Variants in ODAD2 observed in about 807,000 individuals in gnomAD.
ODAD2 encodes the protein outer dynein arm docking complex subunit 2.
ODAD2 carries 89 observed loss-of-function variants against 106.8 expected under a neutral mutation model. That is an observed-to-expected ratio of 0.83 (90% CI 0.70 to 0.99). ODAD2 has a LOEUF of 0.99. ODAD2 is among the 50% of genes least tolerant of loss of function. ODAD2 has a pLI of 0.00. For synonymous variants in ODAD2, 404 were observed against 436.2 expected (o/e 0.93, Z 0.92); for missense variants, 1,168 against 1,238.5 (o/e 0.94, Z 0.85).
chr10:27,883,112 G>A (rs1334458921), intron 17 of ODAD2, among the ~76,000 whole-genome samples: 2 of 151,918 alleles, frequency 1.3e-5, no homozygotes, highest in Non-Finnish European at 2.9e-5. Context: ...AAAGATCTCA[G>A]AAGGCCTTAG....
intron 16 of ODAD2, among the ~76,000 whole-genome samples, chr10:27,927,573 C>T (rs531280201): frequency 1.1e-4 from 17 of 152,084 alleles, no homozygotes; most frequent in Non-Finnish European, 2.1e-4. Context: ...ACACGTGGGA[C>T]GCCTATGTTC....
intron 16 of ODAD2, among the ~76,000 whole-genome samples, chr10:27,920,743 T>C (rs1243480591): frequency 1.3e-5 from 2 of 152,190 alleles, no homozygotes; most frequent in African/African-American, 4.8e-5. Context: ...ACTTGTTCTG[T>C]GGCAAAAGAC....
intron 19 of ODAD2, among the ~76,000 whole-genome samples, chr10:27,831,432 C>T (rs963588658): frequency 6.6e-6 from 1 of 152,196 alleles, no homozygotes; most frequent in Non-Finnish European, 1.5e-5. Context: ...ACAGTGAGTG[C>T]TTACCATGTA....
At chr10:27,876,649 G>A (rs920839448) in intron 17 of ODAD2, among the ~76,000 whole-genome samples, 13 of 152,304 alleles carry the variant, frequency 8.5e-5, no homozygotes, top group Admixed American at 5.2e-4. Flanking sequence ...CTGAGATAAC[G>A]TCTCTGAGGA....
At chr10:27,914,314 T>C (rs750880820) in intron 16 of ODAD2, among the ~76,000 whole-genome samples, 7 of 152,156 alleles carry the variant, frequency 4.6e-5, no homozygotes, top group African/African-American at 7.2e-5. Flanking sequence ...ATTTTAAAGA[T>C]GCCATTTTTT....
rs759812116 is a variant in ODAD2 at position 27,907,771 on chromosome 10, A to G, written c.2502T>C (p.Ile834=). 6 of 1,612,122 alleles carry G rather than the reference A, an allele frequency of 3.7e-6. No homozygotes were observed. The highest frequency in any genetic ancestry group is 5.1e-6 in the Non-Finnish European group (6 of 1,178,460). ...CAVEPESMMI[I]DRLDGVRLLW... is the part of the protein sequence containing the mutation. ...ACAAACGAACTCCATCTAAGCGATC[A>G]ATTATCCTATCGTGGAACCCAAAAT... Residue 834 remains isoleucine (I), a synonymous_variant, in exon 17 of 20, where the codon ATT becomes ATC. Coordinates refer to ENST00000305242, the MANE Select transcript of ODAD2 (RefSeq NM_018076.5).
At chr10:27,813,301 G>A (rs1268325868) in intron 19 of ODAD2, 1 of 152,126 alleles carries the variant, frequency 6.6e-6, no homozygotes, top group Non-Finnish European at 1.5e-5. Context: ...AAGCCTCCAA[G>A]ATTTCCATCA....
chr10:27,885,597 T>A, intron 17 of ODAD2, among the ~76,000 whole-genome samples: 1 of 73,330 alleles, frequency 1.4e-5, no homozygotes, highest in Non-Finnish European at 2.4e-5. Context: ...AATATAAATA[T>A]ATATATAAAA....
intron 17 of ODAD2, among the ~76,000 whole-genome samples, chr10:27,885,606 A>ATT (rs1200797448): frequency 1.1e-3 from 82 of 71,792 alleles, no homozygotes; most frequent in African/African-American, 3.9e-3. Context: ...ATATATATAA[A>ATT]ATATATATAA....
At chr10:27,912,172 C>T (rs1224338639) in intron 16 of ODAD2, among the ~76,000 whole-genome samples, 1 of 152,116 alleles carries the variant, frequency 6.6e-6, no homozygotes, top group Admixed American at 6.6e-5. Flanking sequence ...CAGGTCTACC[C>T]CTTATATAGT....
In ODAD2 at chr10:27,860,799, G is replaced by A. The variant is rs1839989333; in HGVS notation, c.2847C>T (p.Cys949=). Residue 949 remains cysteine (C), a synonymous_variant, in exon 19 of 20, where the codon TGC becomes TGT. Transcript: ENST00000305242. ...CCACTCTATTCCTGCCCCACATACA[G>A]CAACGTGAAATAGCTTCTGCTAGAT... is the stretch of plus-strand genomic sequence containing the variant. The part of the protein sequence containing the change: ...RHHLAEAISR[C]CMWGRNRVAF... The A allele has an allele frequency of 1.9e-6, 3 of 1,614,138 alleles. No individual in the cohort carries two copies. Among genetic ancestry groups the A allele is most frequent in the Non-Finnish European group, 2.5e-6 (3 of 1,180,018 alleles).
chr10:27,955,696 GGTGTGTGTGTGTGTGTGT>G (rs56731384), intron 10 of ODAD2, among the ~76,000 whole-genome samples: 3 of 142,928 alleles, frequency 2.1e-5, no homozygotes, highest in Non-Finnish European at 4.5e-5. Context: ...AACCAATTAA[GGTGTGTGTGTGTGTGTGT>G]GTGTGTGTGT....
At chr10:27,939,236 C>G (rs1269934798) in intron 14 of ODAD2, among the ~76,000 whole-genome samples, 2 of 152,130 alleles carry the variant, frequency 1.3e-5, no homozygotes, top group East Asian at 3.9e-4. Context: ...AATATAGAAG[C>G]ACCATGTACT....
Position 27,850,741 on chromosome 10 carries a change from A to G in ODAD2, c.3021+9884T>C, listed in dbSNP as rs1839199256. Among the ~76,000 whole-genome samples, 4 of 152,212 alleles carry G rather than the reference A, an allele frequency of 2.6e-5. No individual in the cohort carries two copies. In the South Asian group the frequency reaches 8.3e-4, roughly 31 times the overall value. ...CTAAAATAATTTAAAAATGGAAAAAAACTGTGAAACAACAACTTTCAAAAT... is the reference window on the plus strand; with the variant it reads ...CTAAAATAATTTAAAAATGGAAAAAGACTGTGAAACAACAACTTTCAAAAT... On this transcript the variant is annotated intron_variant, in intron 19 of 19. Coordinates refer to ENST00000305242, the MANE Select transcript of ODAD2 (RefSeq NM_018076.5).
intron 19 of ODAD2, among the ~76,000 whole-genome samples, chr10:27,819,519 G>C (rs1176462635): frequency 6.7e-6 from 1 of 150,134 alleles, no homozygotes; most frequent in East Asian, 1.9e-4. Flanking sequence ...CAGGAGGATG[G>C]CTTGAAGCCA....
At chr10:27,950,110 C>A (rs1847227220) in intron 10 of ODAD2, among the ~76,000 whole-genome samples, 1 of 152,154 alleles carries the variant, frequency 6.6e-6, no homozygotes, top group African/African-American at 2.4e-5. Context: ...GAATCGGCAC[C>A]ACTATCACAT....
intron 17 of ODAD2, among the ~76,000 whole-genome samples, chr10:27,888,972 A>T (rs1842399076): frequency 6.6e-6 from 1 of 152,226 alleles, no homozygotes; most frequent in Non-Finnish European, 1.5e-5. Flanking sequence ...AGAAGAAAAC[A>T]TCCAAAGCAC....
chr10:27,877,477 T>G lies in ODAD2; in HGVS notation c.2611-14855A>C, dbSNP rs145021601. 1.1e-4 allele frequency among the ~76,000 whole-genome samples: 17 copies of G among 151,506 alleles called. No homozygotes were observed. The East Asian group carries it at 3.4e-3, about 30-fold the overall frequency. ...CAGGGAAACATTAGGCTCAAAACCCTGCAGGTCCCTCTGAAGTTTATTTGT... is the reference window on the plus strand; with the variant it reads ...CAGGGAAACATTAGGCTCAAAACCCGGCAGGTCCCTCTGAAGTTTATTTGT... On this transcript the variant is annotated intron_variant, in intron 17 of 19. Transcript: ENST00000305242.
chr10:27,860,290 C>T (rs548606704), intron 19 of ODAD2, among the ~76,000 whole-genome samples: 12 of 151,950 alleles, frequency 7.9e-5, no homozygotes, highest in South Asian at 4.2e-4. Flanking sequence ...TGTCTGTATA[C>T]AAAATTAAAA....
Sources: gnomAD v4.1 joint callset for allele counts (sites outside exome capture counted in the v4.1 genomes callset) on GRCh38, gnomAD v4.1.1 for gene constraint, MANE v1.5 for transcripts, NCBI Gene and HGNC (gene_info 2026-07-23, HGNC 2026-07-21) for gene names.